PTPN12: variants seen among roughly 807,000 people sequenced by gnomAD.
PTPN12 encodes tyrosine-protein phosphatase non-receptor type 12.
In PTPN12, 29 loss-of-function variants were observed where a neutral mutation model predicts 97.6. That is an observed-to-expected ratio of 0.30 (90% confidence interval 0.22 to 0.41). The LOEUF (loss-of-function observed/expected upper bound fraction) is 0.41. PTPN12 is among the 10% of genes least tolerant of loss of function. PTPN12 has a pLI of 1.00. For missense variants in PTPN12, 819 were observed against 926.0 expected, an observed-to-expected ratio of 0.88 and a Z score of 1.50; for synonymous variants, 327 against 300.4, an observed-to-expected ratio of 1.09 and a Z score of -0.91.
chr7:77,597,984 T>C (rs1788074062), intron 7 of PTPN12, 83 bp downstream of exon 7: 4 of 1,532,514 alleles, frequency 2.6e-6, no homozygotes, highest in South Asian at 2.5e-5. Flanking sequence ...TCCCAACACT[T>C]TGGGAGGCTG....
chr7:77,575,851 CTT>C (rs1413893502), intron 2 of PTPN12, among the ~76,000 whole-genome samples: 1 of 151,998 alleles, frequency 6.6e-6, no homozygotes, highest in South Asian at 2.1e-4. Context: ...GTGTCTAGCT[CTT>C]TTAACAGTTT....
rs181187115 is a variant in PTPN12 at position 77,626,805 on chromosome 7, A to G, written c.1126A>G (p.Thr376Ala). Residue 376 changes from threonine (T) to alanine (A), a missense_variant, in exon 13 of 18, where the codon ACA (threonine) becomes GCA (alanine). By Grantham distance (58) the Thr-to-Ala change is moderately conservative. Around this residue, in one of 5 missense-constraint regions of PTPN12, gnomAD observed 607 missense variants for 577.3 expected, o/e 1.05. Transcript: ENST00000248594. ...LTPSPPSAFPTVTTVWQDNDR... is the reference protein window; with the variant it reads ...LTPSPPSAFPAVTTVWQDNDR... ...ACCTTCTCCCCCTTCAGCTTTTCCA[A>G]CAGTCACTACTGTGTGGCAGGACAA... is the stretch of plus-strand genomic sequence containing the variant. 8.1e-6 allele frequency: 13 copies of G among 1,614,062 alleles called. No homozygotes were observed. In the Admixed American group the frequency reaches 8.3e-5, roughly 10 times the overall value.
intron 8 of PTPN12, 124 bp downstream of exon 8, chr7:77,600,930 C>A: frequency 1.2e-6 from 1 of 839,420 alleles, no homozygotes; most frequent in Non-Finnish European, 1.8e-6. Context: ...ATGTTTGGGA[C>A]TAGGGCCTTG....
At chr7:77,567,624 G>A (rs1421647274) in intron 1 of PTPN12, among the ~76,000 whole-genome samples, 1 of 151,884 alleles carries the variant, frequency 6.6e-6, no homozygotes, top group Non-Finnish European at 1.5e-5. Flanking sequence ...CTGGGATGAG[G>A]CCCAGCAATG....
chr7:77,604,044 C>T (rs1172063233), intron 8 of PTPN12, among the ~76,000 whole-genome samples: 5 of 149,234 alleles, frequency 3.4e-5, no homozygotes, highest in African/African-American at 7.4e-5. Flanking sequence ...CACACCACTA[C>T]ACCCAGCTAA....
chr7:77,602,469 G>A (rs1247765038), intron 8 of PTPN12, among the ~76,000 whole-genome samples: 2 of 151,994 alleles, frequency 1.3e-5, no homozygotes, highest in East Asian at 1.9e-4. Context: ...AATAATAAAT[G>A]TTTGCAATAA....
chr7:77,610,777 G>C lies in PTPN12; in HGVS notation c.775G>C (p.Glu259Gln). Residue 259 changes from glutamate (E) to glutamine (Q), a missense_variant, in exon 10 of 18, where the codon GAA becomes CAA. Glu to Gln is a conservative substitution (Grantham distance 29). Coordinates refer to ENST00000248594, the MANE Select transcript of PTPN12 (RefSeq NM_002835.4). ...TTTTCTGTTTTAGAAAATACCAGAG[G>C]AATTTAATGTATTTAATTTAATACA... ...NLLKAGKIPE[E>Q]FNVFNLIQEM... 6.2e-7 allele frequency: 1 copy of C among 1,603,530 alleles called. No individual in the cohort carries two copies. Among genetic ancestry groups the C allele is most frequent in the Non-Finnish European group, 8.5e-7 (1 of 1,176,186 alleles).
chr7:77,611,371 A>G (rs1788563992), intron 11 of PTPN12, among the ~76,000 whole-genome samples: 2 of 152,220 alleles, frequency 1.3e-5, no homozygotes, highest in Admixed American at 1.3e-4. Context: ...CCCCCACCCA[A>G]GTAATTCTGC....
rs765565861 is a variant in PTPN12 at position 77,627,183 on chromosome 7, CAA to C, written c.1505_1506del (p.Gln502LeufsTer27). The C allele has an allele frequency of 6.2e-7, 1 of 1,614,126 alleles. No homozygotes were observed. The highest frequency in any genetic ancestry group is 1.7e-5 in the Admixed American group (1 of 60,008). ...TTCTTGTGTGGACTGCAGTGTAACA[CAA>C]TCAAACAAAGTTTCAGTTACTCCAC... ...QNSCVDCSVTQSNKVSVTPPE... is the reference protein window; with the variant it reads ...QNSCVDCSVTXSNKVSVTPPE... On this transcript the variant is annotated frameshift_variant, in exon 13 of 18. Coordinates refer to ENST00000248594, the MANE Select transcript of PTPN12 (RefSeq NM_002835.4). LOFTEE classifies it high-confidence loss of function.
chr7:77,607,462 G>A (rs1239341868), intron 9 of PTPN12, 161 bp downstream of exon 9: 2 of 546,776 alleles, frequency 3.7e-6, no homozygotes, highest in Non-Finnish European at 6.2e-6. Flanking sequence ...GCCGGGCACA[G>A]TGGCTTACGC....
chr7:77,621,628 C>T (rs1788942142), intron 12 of PTPN12, among the ~76,000 whole-genome samples: 1 of 151,984 alleles, frequency 6.6e-6, no homozygotes, highest in South Asian at 2.1e-4. Context: ...AAGATTGCAC[C>T]ACTGGACTCC....
At chr7:77,563,842 G>A (rs2151310521) in intron 1 of PTPN12, 3 of 286,158 alleles carry the variant, frequency 1.0e-5, no homozygotes, top group South Asian at 5.2e-5. Context: ...ACTAAAGGTA[G>A]ACATTGCAGT....
intron 1 of PTPN12, chr7:77,538,665 G>T (rs1806792200): frequency 6.6e-6 from 1 of 152,166 alleles, no homozygotes; most frequent in Middle Eastern, 3.4e-3. Flanking sequence ...CTGTGAGGGG[G>T]TCAGATCCGA....
At chr7:77,605,844 C>T (rs914030126) in intron 8 of PTPN12, among the ~76,000 whole-genome samples, 1 of 151,288 alleles carries the variant, frequency 6.6e-6, no homozygotes, top group Non-Finnish European at 1.5e-5. Context: ...TGCTGTTGCT[C>T]AATCCGTTTT....
intron 2 of PTPN12, among the ~76,000 whole-genome samples, chr7:77,580,110 G>C (rs923457032): frequency 6.6e-6 from 1 of 152,120 alleles, no homozygotes; most frequent in South Asian, 2.1e-4. Context: ...CAGTAGAGTA[G>C]CTAAATAAAG....
intron 2 of PTPN12, among the ~76,000 whole-genome samples, chr7:77,575,036 G>C (rs1407717538): frequency 6.6e-6 from 1 of 151,984 alleles, no homozygotes; most frequent in Non-Finnish European, 1.5e-5. Context: ...GTTTCACCAT[G>C]TCGGCCAGGC....
At chr7:77,570,160 G>A (rs572467030) in intron 1 of PTPN12, among the ~76,000 whole-genome samples, 1 of 152,134 alleles carries the variant, frequency 6.6e-6, no homozygotes, top group East Asian at 1.9e-4. Context: ...CCTGTTGTAG[G>A]TCTCTAGTAT....
At chr7:77,602,653 A>C (rs1003866726) in intron 8 of PTPN12, among the ~76,000 whole-genome samples, 1 of 152,062 alleles carries the variant, frequency 6.6e-6, no homozygotes, top group African/African-American at 2.4e-5. Context: ...TATCATTATA[A>C]TATGGGTGAT....
intron 8 of PTPN12, among the ~76,000 whole-genome samples, chr7:77,603,883 C>CTTTTTTTTTTTTT (rs773037726): frequency 7.6e-4 from 67 of 87,874 alleles, no homozygotes; most frequent in African/African-American, 1.4e-3. Flanking sequence ...TTTTTGTTTG[C>CTTTTTTTTTTTTT]TTTTTTTTTT....
Sources: gnomAD v4.1 joint callset for allele counts (sites outside exome capture counted in the v4.1 genomes callset) on GRCh38, gnomAD v4.1.1 for gene constraint, gnomAD v4.1.1 regional missense constraint, MANE v1.5 for transcripts, NCBI Gene and HGNC (gene_info 2026-07-23, HGNC 2026-07-21) for gene names.